Variants in PTPRK observed in about 807,000 individuals in gnomAD.
The protein encoded by PTPRK is protein tyrosine phosphatase receptor type K.
A neutral mutation model predicts 178.0 loss-of-function variants in PTPRK; 75 were observed. The ratio of observed to expected loss-of-function variants is 0.42; its 90% CI spans 0.35 to 0.51. The LOEUF (loss-of-function observed/expected upper bound fraction) is 0.51, where lower values mean the gene tolerates loss of function less well. PTPRK is among the 20% of genes least tolerant of loss of function. The pLI is 0.02. For synonymous variants in PTPRK, 637 were observed against 620.6 expected (o/e 1.03, Z -0.39); for missense variants, 1,441 against 1,797.8 (o/e 0.80, Z 3.59).
intron 2 of PTPRK, among the ~76,000 whole-genome samples, chr6:128,350,235 T>A (rs1832946698): frequency 6.6e-6 from 1 of 152,044 alleles, no homozygotes; most frequent in African/African-American, 2.4e-5. Flanking sequence ...ATGGGCTAGC[T>A]CACAGCAAGG....
At chr6:128,338,592 C>CTACT (rs1554227471) in intron 2 of PTPRK, among the ~76,000 whole-genome samples, 1 of 152,118 alleles carries the variant, frequency 6.6e-6, no homozygotes, top group Non-Finnish European at 1.5e-5. Context: ...CAGTGGAGAC[C>CTACT]TACTGCTGGG....
intron 7 of PTPRK, among the ~76,000 whole-genome samples, chr6:128,133,411 C>T (rs1283759310): frequency 2.0e-5 from 3 of 151,968 alleles, no homozygotes; most frequent in Non-Finnish European, 4.4e-5. Flanking sequence ...TTTTTATGGA[C>T]AAAATTTTAA....
intron 10 of PTPRK, among the ~76,000 whole-genome samples, chr6:128,079,377 T>C (rs566457624): frequency 6.6e-6 from 1 of 152,152 alleles, no homozygotes; most frequent in South Asian, 2.1e-4. Context: ...AAAGACACAG[T>C]ACTCTTATGC....
At chr6:128,171,613 T>C (rs1347156855) in intron 7 of PTPRK, among the ~76,000 whole-genome samples, 1 of 152,020 alleles carries the variant, frequency 6.6e-6, no homozygotes, top group African/African-American at 2.4e-5. Flanking sequence ...ATTAAACTAT[T>C]ATGTACTGTT....
intron 6 of PTPRK, among the ~76,000 whole-genome samples, chr6:128,208,443 T>G (rs1421427393): frequency 1.1e-4 from 16 of 151,946 alleles, no homozygotes; most frequent in Admixed American, 1.1e-3. Flanking sequence ...TTCTATGAAG[T>G]AAAAAGTTTT....
chr6:128,387,559 C>T (rs550222651), intron 2 of PTPRK, among the ~76,000 whole-genome samples: 1 of 152,280 alleles, frequency 6.6e-6, no homozygotes, highest in Non-Finnish European at 1.5e-5. Context: ...ACCAGTCTTA[C>T]TATCCTGCTG....
intron 1 of PTPRK, among the ~76,000 whole-genome samples, chr6:128,434,333 A>G (rs1845232808): frequency 2.6e-5 from 4 of 152,186 alleles, no homozygotes; most frequent in Admixed American, 2.6e-4. Context: ...ACTTTCCTAA[A>G]TGAGTCTTTC....
chr6:128,272,110 G>A (rs1234917299), intron 3 of PTPRK, among the ~76,000 whole-genome samples: 1 of 152,016 alleles, frequency 6.6e-6, no homozygotes, highest in Non-Finnish European at 1.5e-5. Context: ...CATGGGGAAA[G>A]GATTCCCTAT....
intron 7 of PTPRK, among the ~76,000 whole-genome samples, chr6:128,155,073 C>T (rs928756242): frequency 2.6e-5 from 4 of 151,700 alleles, no homozygotes; most frequent in Non-Finnish European, 4.4e-5. Context: ...AGTATTAGTA[C>T]ATCCTAGCAA....
At chr6:128,341,588 C>T (rs1182564533) in intron 2 of PTPRK, among the ~76,000 whole-genome samples, 2 of 152,112 alleles carry the variant, frequency 1.3e-5, no homozygotes, top group African/African-American at 2.4e-5. Context: ...GATATTTACC[C>T]CCTTGAAACA....
intron 3 of PTPRK, among the ~76,000 whole-genome samples, chr6:128,276,566 C>G (rs572708252): frequency 1.3e-5 from 2 of 152,166 alleles, no homozygotes; most frequent in African/African-American, 4.8e-5. Flanking sequence ...ATTAGAGAGC[C>G]ATAAACTGGC....
chr6:128,249,250 T>C (rs1156892729), intron 3 of PTPRK, among the ~76,000 whole-genome samples: 1 of 150,820 alleles, frequency 6.6e-6, no homozygotes, highest in Non-Finnish European at 1.5e-5. Context: ...CAATTGAAAT[T>C]GATAACCCTG....
intron 7 of PTPRK, among the ~76,000 whole-genome samples, chr6:128,095,767 T>G (rs894016272): frequency 6.6e-6 from 1 of 152,216 alleles, no homozygotes; most frequent in East Asian, 1.9e-4. Context: ...AATCCAGTGC[T>G]CTTCCATTCT....
intron 2 of PTPRK, among the ~76,000 whole-genome samples, chr6:128,331,836 T>C (rs1370070717): frequency 6.6e-6 from 1 of 152,136 alleles, no homozygotes; most frequent in Non-Finnish European, 1.5e-5. Flanking sequence ...GACATGTCCC[T>C]CCCATTGCCT....
intron 7 of PTPRK, among the ~76,000 whole-genome samples, chr6:128,100,406 T>G (rs1788595186): frequency 6.6e-6 from 1 of 151,934 alleles, no homozygotes; most frequent in African/African-American, 2.4e-5. Flanking sequence ...CATAGCAAAC[T>G]CAGCCTTATG....
intron 13 of PTPRK, among the ~76,000 whole-genome samples, chr6:128,011,184 G>T (rs985672968): frequency 1.3e-5 from 2 of 151,194 alleles, no homozygotes; most frequent in African/African-American, 4.8e-5. Context: ...AATAGGAAGA[G>T]AAACAGAAGT....
intron 7 of PTPRK, among the ~76,000 whole-genome samples, chr6:128,101,826 A>G (rs891521842): frequency 3.3e-5 from 5 of 152,126 alleles, no homozygotes; most frequent in Admixed American, 2.6e-4. Flanking sequence ...ACCATTATCT[A>G]TTTCATTCCA....
chr6:128,080,606 T>C (rs1784646041), intron 10 of PTPRK, among the ~76,000 whole-genome samples: 1 of 152,084 alleles, frequency 6.6e-6, no homozygotes, highest in Non-Finnish European at 1.5e-5. Context: ...AGTATGTATG[T>C]GTGTATATGT....
rs1449651121 is a variant in PTPRK at position 128,354,406 on chromosome 6, C to A, written c.224-32096G>T. 2.6e-5 allele frequency among the ~76,000 whole-genome samples: 4 copies of A among 151,200 alleles called. No homozygotes were observed. In the East Asian group the frequency reaches 7.8e-4, roughly 30 times the overall value. ...GCATCCACCACCGCCCGGCTAATTTCTTGTATTTTTAGTAGAGACGGGGTT... is the reference window on the plus strand; with the variant it reads ...GCATCCACCACCGCCCGGCTAATTTATTGTATTTTTAGTAGAGACGGGGTT... On this transcript the variant is annotated intron_variant, in intron 2 of 29. Transcript: ENST00000368226.
Sources: allele counts gnomAD v4.1 joint callset (sites outside exome capture counted in the v4.1 genomes callset), GRCh38; gene constraint gnomAD v4.1.1; transcripts MANE v1.5; gene names NCBI Gene and HGNC (gene_info 2026-07-23, HGNC 2026-07-21).